NDC1: variants seen among roughly 807,000 people sequenced by gnomAD.
The protein encoded by NDC1 is nucleoporin NDC1.
NDC1 carries 24 observed loss-of-function variants against 89.8 expected under a neutral mutation model. The observed-to-expected ratio is 0.27, with a 90% confidence interval of 0.19 to 0.38. NDC1 has a LOEUF of 0.38. Ranked by LOEUF, NDC1 falls within the 10% of genes least tolerant of loss-of-function variation. The probability of loss-of-function intolerance (pLI) is 1.00; values close to 1 mark genes in which losing one functional copy is unlikely to be tolerated. For missense variants in NDC1, 728 were observed against 797.6 expected, an observed-to-expected ratio of 0.91 and a Z score of 1.05; for synonymous variants, 296 against 284.8, an observed-to-expected ratio of 1.04 and a Z score of -0.39.
intron 11 of NDC1, among the ~76,000 whole-genome samples, chr1:53,798,904 T>G (rs867939238): frequency 6.6e-6 from 1 of 152,186 alleles, no homozygotes; most frequent in Admixed American, 6.5e-5. Flanking sequence ...CTTTGAAAAA[T>G]CAATTTAAAA....
intron 1 of NDC1, among the ~76,000 whole-genome samples, chr1:53,837,864 C>A (rs1478076259): frequency 6.6e-6 from 1 of 152,204 alleles, no homozygotes. Flanking sequence ...CATTCCTTCC[C>A]ACTTCTTAAC....
intron 13 of NDC1, 107 bp downstream of exon 13, chr1:53,796,582 A>T (rs946782608): frequency 1.5e-4 from 23 of 149,884 alleles, no homozygotes; most frequent in East Asian, 4.3e-4. Context: ...ACGAAGCATA[A>T]AAAAAAAAAA....
chr1:53,805,998 C>T (rs1363471966), intron 9 of NDC1, among the ~76,000 whole-genome samples: 6 of 151,904 alleles, frequency 3.9e-5, no homozygotes, highest in African/African-American at 9.7e-5. Context: ...GGCGTGAACC[C>T]GGGAGGCGGA....
intron 4 of NDC1, 125 bp downstream of exon 4, chr1:53,827,873 TA>T: frequency 1.6e-6 from 1 of 614,192 alleles, no homozygotes. Flanking sequence ...AAACACTTGA[TA>T]TATGCAAAAA....
At chr1:53,828,950 C>T (rs984620058) in intron 3 of NDC1, among the ~76,000 whole-genome samples, 1 of 152,112 alleles carries the variant, frequency 6.6e-6, no homozygotes, top group Admixed American at 6.6e-5. Context: ...GCATTTGAAA[C>T]TGTCAATATA....
intron 5 of NDC1, among the ~76,000 whole-genome samples, chr1:53,822,164 G>C (rs562094895): frequency 1.3e-5 from 2 of 152,264 alleles, no homozygotes; most frequent in South Asian, 2.1e-4. Flanking sequence ...TCTTTAAAAA[G>C]CCGTAATTTT....
rs1029789607 is a variant in NDC1 at position 53,786,526 on chromosome 1, G to A, written c.1800+632C>T. On this transcript the variant is annotated intron_variant, in intron 16 of 17. Transcript: ENST00000371429. ...GGTCATTTAATCACAGGTCACTTTTGGTAGCTACAAATTGTGTAAGGATTT... is the reference window on the plus strand; with the variant it reads ...GGTCATTTAATCACAGGTCACTTTTAGTAGCTACAAATTGTGTAAGGATTT... Among the ~76,000 whole-genome samples the A allele has an allele frequency of 2.6e-5, 4 of 152,130 alleles. No individual in the cohort carries two copies. The East Asian group carries it at 5.8e-4, about 22-fold the overall frequency.
In NDC1 at chr1:53,819,040, A is replaced by G. The variant is rs1327061034; in HGVS notation, c.634T>C (p.Leu212=). The part of the protein sequence containing the change: ...FLRFRRSLLL[L]VKHSCVESLF... The stretch of plus-strand genomic sequence containing the variant: ...GATTCCACACAACTGTGTTTAACTA[A>G]TAAGAGCAGAGATCTCCTAAAACGC... The change falls in exon 6 of 18, where the codon TTA becomes CTA. Residue 212 remains leucine (L), a synonymous_variant. Coordinates refer to ENST00000371429, the MANE Select transcript of NDC1 (RefSeq NM_018087.5). 1 of 1,582,950 alleles carries G rather than the reference A, an allele frequency of 6.3e-7. No homozygotes were observed. The highest frequency in any genetic ancestry group is 1.9e-5 in the Admixed American group (1 of 52,080).
intron 8 of NDC1, among the ~76,000 whole-genome samples, chr1:53,807,246 C>CAA (rs56393499): frequency 1.1e-4 from 6 of 55,260 alleles, no homozygotes; most frequent in East Asian, 1.2e-3. Context: ...GACCCTATCT[C>CAA]AAAAAAAAAA....
intron 3 of NDC1, among the ~76,000 whole-genome samples, chr1:53,828,715 G>T (rs768700267): frequency 6.6e-6 from 1 of 152,004 alleles, no homozygotes; most frequent in Non-Finnish European, 1.5e-5. Context: ...GGATTCAAGC[G>T]ATTCTCCTGC....
At chr1:53,785,265 A>T (rs1459623069) in intron 16 of NDC1, among the ~76,000 whole-genome samples, 2 of 152,236 alleles carry the variant, frequency 1.3e-5, no homozygotes, top group East Asian at 3.8e-4. Flanking sequence ...AGAGTGACAA[A>T]AAATAATGTT....
intron 10 of NDC1, among the ~76,000 whole-genome samples, chr1:53,802,475 TG>T (rs1647954449): frequency 6.6e-6 from 1 of 152,128 alleles, no homozygotes; most frequent in Admixed American, 6.6e-5. Flanking sequence ...AAGGCCAGCC[TG>T]GGAAACACGG....
intron 10 of NDC1, among the ~76,000 whole-genome samples, chr1:53,803,607 T>G (rs1386456352): frequency 6.6e-6 from 1 of 152,230 alleles, no homozygotes; most frequent in African/African-American, 2.4e-5. Flanking sequence ...AGTCTCACTC[T>G]GTCACCCAGG....
At chr1:53,792,266 A>G (rs1472757575) in intron 14 of NDC1, among the ~76,000 whole-genome samples, 1 of 152,116 alleles carries the variant, frequency 6.6e-6, no homozygotes, top group Non-Finnish European at 1.5e-5. Context: ...GAAACCAAGC[A>G]CTGAAGTAAA....
intron 11 of NDC1, among the ~76,000 whole-genome samples, chr1:53,798,545 ACTTTT>A (rs1285790020): frequency 6.8e-6 from 1 of 147,956 alleles, no homozygotes; most frequent in Non-Finnish European, 1.5e-5. Flanking sequence ...TCATTATATG[ACTTTT>A]CTTTTTTTTT....
chr1:53,812,070 T>C (rs2100670949), intron 6 of NDC1, among the ~76,000 whole-genome samples: 1 of 152,186 alleles, frequency 6.6e-6, no homozygotes, highest in Non-Finnish European at 1.5e-5. Context: ...GAGTACTGCA[T>C]CAAAGGAACA....
At chr1:53,830,484 A>G (rs954348972) in intron 3 of NDC1, among the ~76,000 whole-genome samples, 2 of 152,070 alleles carry the variant, frequency 1.3e-5, no homozygotes, top group Non-Finnish European at 2.9e-5. Context: ...AAGCAAGGGA[A>G]AAGGATACGT....
intron 10 of NDC1, among the ~76,000 whole-genome samples, chr1:53,802,529 G>A (rs1358904194): frequency 2.6e-5 from 4 of 152,138 alleles, no homozygotes; most frequent in South Asian, 4.1e-4. Flanking sequence ...TTAGCCAGGT[G>A]TGGTGGTGCA....
chr1:53,789,279 A>T, intron 14 of NDC1, 83 bp from the exon 15 acceptor site: 1 of 778,360 alleles, frequency 1.3e-6, no homozygotes, highest in Non-Finnish European at 2.1e-6. Flanking sequence ...TGTAGACCAC[A>T]AAACAAAAAA....
Sources: gnomAD v4.1 joint callset for allele counts (sites outside exome capture counted in the v4.1 genomes callset) on GRCh38, gnomAD v4.1.1 for gene constraint, MANE v1.5 for transcripts, NCBI Gene and HGNC (gene_info 2026-07-23, HGNC 2026-07-21) for gene names.